SMOC1: variants seen among roughly 807,000 people sequenced by gnomAD.
The protein encoded by SMOC1 is SPARC related modular calcium binding 1.
In SMOC1, 22 loss-of-function variants were observed where a neutral mutation model predicts 56.3. That is an observed-to-expected ratio of 0.39 (90% confidence interval 0.28 to 0.56). SMOC1 has a LOEUF of 0.56. Among genes scored for constraint, SMOC1 ranks in the 20% least tolerant of loss-of-function variants. SMOC1 has a pLI of 0.61. For synonymous variants in SMOC1, 193 were observed against 215.0 expected (o/e 0.90, Z 0.89); for missense variants, 509 against 565.4 (o/e 0.90, Z 1.01).
chr14:69,925,377 T>TA (rs1884983436), intron 1 of SMOC1, among the ~76,000 whole-genome samples: 2 of 151,892 alleles, frequency 1.3e-5, no homozygotes, highest in African/African-American at 4.8e-5. Flanking sequence ...GGAGGAACCA[T>TA]GATTGTCCCT....
chr14:70,012,987 T>G lies in SMOC1; in HGVS notation c.941-399T>G, dbSNP rs376166720. Among the ~76,000 whole-genome samples the G allele has an allele frequency of 2.9e-3, 441 of 152,314 alleles. 1 individual carries two copies. The highest frequency in any genetic ancestry group is 0.01 in the African/African-American group (419 of 41,574). On this transcript the variant is annotated intron_variant, in intron 9 of 11. Coordinates refer to ENST00000361956, the MANE Select transcript of SMOC1 (RefSeq NM_001034852.3). ...CCCTCCTTTGTGCTCCCACAGCCCC[T>G]AGTTCTTACCCCTAGCACAGTATTT...
At chr14:69,992,974 A>G (rs963875603) in intron 6 of SMOC1, among the ~76,000 whole-genome samples, 7 of 152,242 alleles carry the variant, frequency 4.6e-5, no homozygotes, top group African/African-American at 7.2e-5. Context: ...TGTCATAGAC[A>G]TTTATGGAAG....
At chr14:70,014,463 T>C (rs1485940052) in intron 10 of SMOC1, among the ~76,000 whole-genome samples, 1 of 152,178 alleles carries the variant, frequency 6.6e-6, no homozygotes, top group Non-Finnish European at 1.5e-5. Flanking sequence ...AAGGATACTG[T>C]GGCTCCAAGA....
intron 7 of SMOC1, among the ~76,000 whole-genome samples, chr14:70,005,096 A>C (rs1000321221): frequency 3.9e-5 from 6 of 152,262 alleles, no homozygotes; most frequent in Admixed American, 6.5e-5. Flanking sequence ...GGCAGTGTCT[A>C]GAAAGAAAGG....
intron 3 of SMOC1, among the ~76,000 whole-genome samples, chr14:69,970,053 G>C (rs963866753): frequency 6.6e-6 from 1 of 152,044 alleles, no homozygotes; most frequent in Non-Finnish European, 1.5e-5. Flanking sequence ...GGGAGGTGAG[G>C]CCTCACCCCT....
intron 5 of SMOC1, among the ~76,000 whole-genome samples, chr14:69,988,180 A>T (rs1487718443): frequency 6.6e-6 from 1 of 152,092 alleles, no homozygotes; most frequent in East Asian, 1.9e-4. Flanking sequence ...TGCTCTTGAC[A>T]TCCTCCTTGA....
intron 5 of SMOC1, among the ~76,000 whole-genome samples, chr14:69,986,756 A>G (rs1280877500): frequency 6.6e-6 from 1 of 152,048 alleles, no homozygotes; most frequent in Non-Finnish European, 1.5e-5. Flanking sequence ...GCTCTTCTTC[A>G]GCTCAAGGAT....
chr14:69,972,656 A>G (rs1288721653), intron 3 of SMOC1, among the ~76,000 whole-genome samples: 3 of 152,182 alleles, frequency 2.0e-5, no homozygotes, highest in Non-Finnish European at 4.4e-5. Context: ...GCTGGGAGAC[A>G]GTGTTCATGT....
chr14:69,911,309 C>T lies in SMOC1; in HGVS notation c.99+31532C>T, dbSNP rs1884550731. Among the ~76,000 whole-genome samples the T allele has an allele frequency of 2.6e-5, 4 of 152,072 alleles. No individual in the cohort carries two copies. The South Asian group carries it at 8.3e-4, about 32-fold the overall frequency. ...TGAGACTGGGCCCAAGGTAGAAGGCCCAGGAGAGCCATGTGGCCCAGAGAT... is the reference window on the plus strand; with the variant it reads ...TGAGACTGGGCCCAAGGTAGAAGGCTCAGGAGAGCCATGTGGCCCAGAGAT... On this transcript the variant is annotated intron_variant, in intron 1 of 11. Coordinates refer to ENST00000361956, the MANE Select transcript of SMOC1 (RefSeq NM_001034852.3).
intron 4 of SMOC1, among the ~76,000 whole-genome samples, chr14:69,976,799 A>G (rs1883976623): frequency 6.6e-6 from 1 of 152,250 alleles, no homozygotes; most frequent in African/African-American, 2.4e-5. Flanking sequence ...GCAAAGTATA[A>G]AACATTATGC....
In SMOC1 at chr14:70,026,855, T is replaced by TATGTGTGCATGTCTATACAC. The variant is rs754668765; in HGVS notation, c.1292-3375_1292-3356dup. Among the ~76,000 whole-genome samples the TATGTGTGCATGTCTATACAC allele has an allele frequency of 2.8e-3, 428 of 152,358 alleles. 4 individuals carry two copies. Among genetic ancestry groups the TATGTGTGCATGTCTATACAC allele is most frequent in the Non-Finnish European group, 3.7e-3 (252 of 68,038 alleles). Reference sequence around the variant, plus strand: ...CTACACTTATGTCTTTAAGTATGGCTATGTGTGCATGTCTATACACATGTG... The same window carrying TATGTGTGCATGTCTATACAC: ...CTACACTTATGTCTTTAAGTATGGCTATGTGTGCATGTCTATACACATGTGTGCATGTCTATACACATGTG... On this transcript the variant is annotated intron_variant, in intron 11 of 11. Coordinates refer to ENST00000361956, the MANE Select transcript of SMOC1 (RefSeq NM_001034852.3).
chr14:69,904,705 TG>T (rs1469833398), intron 1 of SMOC1, among the ~76,000 whole-genome samples: 1 of 152,228 alleles, frequency 6.6e-6, no homozygotes, highest in Non-Finnish European at 1.5e-5. Context: ...GCTCAAAGGC[TG>T]GCTCTGCCAC....
At chr14:70,011,374 C>T (rs1167737606) in intron 8 of SMOC1, 111 bp from the exon 9 acceptor site, 2 of 1,033,446 alleles carry the variant, frequency 1.9e-6, no homozygotes, top group East Asian at 2.4e-5. Flanking sequence ...GTTCTGCCCA[C>T]CCTCAGTGCT....
At chr14:69,897,325 G>A (rs1284968921) in intron 1 of SMOC1, among the ~76,000 whole-genome samples, 2 of 152,062 alleles carry the variant, frequency 1.3e-5, no homozygotes, top group South Asian at 2.1e-4. Context: ...AGGTGGCTTG[G>A]GCCAGCCACA....
chr14:69,910,954 T>C (rs1884541588), intron 1 of SMOC1, among the ~76,000 whole-genome samples: 1 of 152,128 alleles, frequency 6.6e-6, no homozygotes, highest in Non-Finnish European at 1.5e-5. Flanking sequence ...TTATAAGCTA[T>C]AGATTTAAGA....
chr14:69,971,043 G>A (rs1883746575), intron 3 of SMOC1, among the ~76,000 whole-genome samples: 1 of 152,066 alleles, frequency 6.6e-6, no homozygotes, highest in South Asian at 2.1e-4. Flanking sequence ...TTTGGAGACG[G>A]AATCTCACTT....
intron 5 of SMOC1, among the ~76,000 whole-genome samples, chr14:69,989,207 CTA>C (rs1282958895): frequency 6.6e-6 from 1 of 152,130 alleles, no homozygotes; most frequent in African/African-American, 2.4e-5. Context: ...TTAATATTGT[CTA>C]TCTTTTTATT....
intron 7 of SMOC1, among the ~76,000 whole-genome samples, chr14:70,004,770 A>G (rs1885090157): frequency 6.6e-6 from 1 of 152,224 alleles, no homozygotes; most frequent in Non-Finnish European, 1.5e-5. Context: ...TAGCCCTTCC[A>G]AAACAAATAG....
At chr14:69,962,744 T>C (rs964924976) in intron 3 of SMOC1, among the ~76,000 whole-genome samples, 2 of 151,828 alleles carry the variant, frequency 1.3e-5, no homozygotes, top group Non-Finnish European at 2.9e-5. Flanking sequence ...GCAGGGATAA[T>C]TTTTGTGTTT....
Sources: allele counts gnomAD v4.1 joint callset (sites outside exome capture counted in the v4.1 genomes callset), GRCh38; gene constraint gnomAD v4.1.1; transcripts MANE v1.5; gene names NCBI Gene and HGNC (gene_info 2026-07-23, HGNC 2026-07-21).